The following WDPCP variants were observed in gnomAD, a reference collection of about 807,000 sequenced individuals.
The protein encoded by WDPCP is WD repeat containing planar cell polarity effector, also known as WD repeat-containing and planar cell polarity effector protein fritz homolog.
A neutral mutation model predicts 93.1 loss-of-function variants in WDPCP; 71 were observed. That is an observed-to-expected ratio of 0.76 (90% CI 0.63 to 0.93). The LOEUF (loss-of-function observed/expected upper bound fraction) is 0.93. Ranked by LOEUF, WDPCP falls within the 40% of genes least tolerant of loss-of-function variation. The pLI is 0.00. For synonymous variants in WDPCP, 315 were observed against 315.0 expected (o/e 1.00, Z 0.00); for missense variants, 844 against 887.4 (o/e 0.95, Z 0.62).
intron 1 of WDPCP, among the ~76,000 whole-genome samples, chr2:63,575,463 A>ACAGTG (rs1575683412): frequency 6.9e-5 from 2 of 29,152 alleles, no homozygotes; most frequent in African/African-American, 2.1e-4. Context: ...TATACAGTAT[A>ACAGTG]TATGCAGTAT....
At chr2:63,769,320 T>C (rs1363508850) in intron 2 of WDPCP, among the ~76,000 whole-genome samples, 1 of 151,896 alleles carries the variant, frequency 6.6e-6, no homozygotes, top group African/African-American at 2.4e-5. Flanking sequence ...CTTCTGTGGG[T>C]AGGAAATTCC....
chr2:63,553,172 T>A (rs1210776742), intron 1 of WDPCP, among the ~76,000 whole-genome samples: 1 of 152,242 alleles, frequency 6.6e-6, no homozygotes, highest in Admixed American at 6.5e-5. Flanking sequence ...AAGCTTGATT[T>A]AATTTTACGA....
chr2:63,310,617 T>C (rs768798818), intron 13 of WDPCP, among the ~76,000 whole-genome samples: 1 of 152,236 alleles, frequency 6.6e-6, no homozygotes, highest in Non-Finnish European at 1.5e-5. Context: ...TCTGTATTTA[T>C]TGACTATGCC....
At chr2:63,136,343 G>A (rs764062723) in intron 17 of WDPCP, among the ~76,000 whole-genome samples, 3 of 152,206 alleles carry the variant, frequency 2.0e-5, no homozygotes, top group Non-Finnish European at 2.9e-5. Flanking sequence ...AGCAGAATAT[G>A]AAATTTAAGA....
intron 1 of WDPCP, among the ~76,000 whole-genome samples, chr2:63,817,874 T>C (rs562040693): frequency 9.2e-5 from 14 of 152,354 alleles, no homozygotes; most frequent in Non-Finnish European, 1.5e-4. Context: ...AGATGTCTGT[T>C]AAGACACTTG....
chr2:63,489,027 C>T (rs1700723256), intron 2 of WDPCP, among the ~76,000 whole-genome samples: 1 of 151,998 alleles, frequency 6.6e-6, no homozygotes, highest in African/African-American at 2.4e-5. Flanking sequence ...GGTAAGAACA[C>T]TCACATGAAG....
chr2:63,278,585 T>C (rs898568602), intron 13 of WDPCP, among the ~76,000 whole-genome samples: 7 of 152,248 alleles, frequency 4.6e-5, no homozygotes, highest in African/African-American at 1.7e-4. Context: ...CTCAGCACTT[T>C]GGGAGGCTGA....
intron 14 of WDPCP, among the ~76,000 whole-genome samples, chr2:63,200,406 GTTGTTC>G (rs2104323609): frequency 6.6e-6 from 1 of 152,270 alleles, no homozygotes; most frequent in East Asian, 1.9e-4. Context: ...TTGTTGCAAT[GTTGTTC>G]ACAGGAGCCA....
intron 7 of WDPCP, among the ~76,000 whole-genome samples, chr2:63,439,066 A>G (rs1163797775): frequency 6.6e-6 from 1 of 152,082 alleles, no homozygotes; most frequent in Non-Finnish European, 1.5e-5. Context: ...TCGTTTCCTT[A>G]TGTGTAAAAA....
At chr2:63,210,106 A>C (rs996624373) in intron 14 of WDPCP, among the ~76,000 whole-genome samples, 32 of 151,906 alleles carry the variant, frequency 2.1e-4, no homozygotes, top group African/African-American at 6.3e-4. Context: ...TATGCTATAA[A>C]ATTAAGATAA....
chr2:63,277,049 TA>T (rs1165111510), intron 13 of WDPCP, among the ~76,000 whole-genome samples: 1 of 152,142 alleles, frequency 6.6e-6, no homozygotes, highest in Non-Finnish European at 1.5e-5. Context: ...CCCTATAAGC[TA>T]AAAGGAATTG....
At chr2:63,166,259 G>A (rs1445153503) in intron 15 of WDPCP, among the ~76,000 whole-genome samples, 3 of 151,896 alleles carry the variant, frequency 2.0e-5, no homozygotes, top group Admixed American at 1.3e-4. Context: ...TAGAGACGGG[G>A]TTTCACCATG....
chr2:63,752,495 T>C (rs1412813950), intron 2 of WDPCP: 4 of 762,006 alleles, frequency 5.2e-6, no homozygotes, highest in Non-Finnish European at 9.4e-6. Context: ...GGTGTTGGGA[T>C]CTCTCATGAC....
At chr2:63,437,875 C>A (rs777454937) in intron 7 of WDPCP, 2 of 1,595,276 alleles carry the variant, frequency 1.3e-6, no homozygotes, top group African/African-American at 1.3e-5. Context: ...AATGTAGAGA[C>A]GAAAACATTC....
rs546292535 is a variant in WDPCP at position 63,324,126 on chromosome 2, G to A, written c.1749-10815C>T. ...TGATGGGGAAAAATGGCCACCTGAGGGAAGTATAAATTACAATACTATCCT... is the reference window on the plus strand; with the variant it reads ...TGATGGGGAAAAATGGCCACCTGAGAGAAGTATAAATTACAATACTATCCT... On this transcript the variant is annotated intron_variant, in intron 12 of 17. Transcript: ENST00000272321. 3.3e-5 allele frequency among the ~76,000 whole-genome samples: 5 copies of A among 152,160 alleles called. No homozygotes were observed. In the East Asian group the frequency reaches 9.7e-4, roughly 29 times the overall value.
intron 2 of WDPCP, among the ~76,000 whole-genome samples, chr2:63,763,084 C>A (rs912422699): frequency 1.3e-5 from 2 of 152,162 alleles, no homozygotes; most frequent in South Asian, 4.1e-4. Flanking sequence ...ATATTTGAAA[C>A]ATGATCATCT....
chr2:63,535,660 T>C (rs1345447974), intron 1 of WDPCP, among the ~76,000 whole-genome samples: 1 of 152,206 alleles, frequency 6.6e-6, no homozygotes, highest in Non-Finnish European at 1.5e-5. Flanking sequence ...GCTAGCCATA[T>C]GTAGAAAGCT....
intron 14 of WDPCP, among the ~76,000 whole-genome samples, chr2:63,215,155 C>T (rs553053885): frequency 3.7e-4 from 56 of 152,278 alleles, no homozygotes; most frequent in African/African-American, 1.3e-3. Context: ...AAAAAGAGCC[C>T]GCATTGCCAA....
At chr2:63,237,865 T>C (rs923450318) in intron 14 of WDPCP, among the ~76,000 whole-genome samples, 4 of 152,056 alleles carry the variant, frequency 2.6e-5, no homozygotes, top group Non-Finnish European at 5.9e-5. Flanking sequence ...GCTGAAAAAC[T>C]TGTTAGGTAC....
Sources: allele counts gnomAD v4.1 joint callset (sites outside exome capture counted in the v4.1 genomes callset), GRCh38; gene constraint gnomAD v4.1.1; transcripts MANE v1.5; gene names NCBI Gene and HGNC (gene_info 2026-07-23, HGNC 2026-07-21).